ZEB1: variants seen among roughly 807,000 people sequenced by gnomAD.
ZEB1 encodes zinc finger E-box binding homeobox 1.
A neutral mutation model predicts 84.9 loss-of-function variants in ZEB1; 21 were observed. The observed-to-expected ratio is 0.25, with a 90% CI of 0.18 to 0.36. The LOEUF is 0.36. ZEB1 is among the 10% of genes least tolerant of loss of function. ZEB1 has a pLI of 1.00. For missense variants in ZEB1, 1,104 were observed against 1,330.2 expected (o/e 0.83, Z 2.65); for synonymous variants, 420 against 471.1 (o/e 0.89, Z 1.41).
At position 31,527,420 on chromosome 10, in the gene ZEB1, C is replaced by CAT; in HGVS notation, c.*157_*158insTA. 1.7e-6 allele frequency: 1 copy of CAT among 577,592 alleles called. No individual in the cohort carries two copies. Among genetic ancestry groups the CAT allele is most frequent in the Non-Finnish European group, 2.9e-6 (1 of 349,332 alleles). The allele number at this position is 577,592 out of a possible 1,614,324, so 35.8% of individuals were successfully genotyped here. A position where few individuals can be genotyped will look rare whatever the true frequency, so the allele number is the denominator to read the frequency against. On this transcript the variant is annotated 3_prime_UTR_variant, in exon 9 of 9. Transcript: ENST00000424869. ...AAAAATACAAAATACAAAACACACA[C>CAT]ACACACACACACACACACACACACA...
At chr10:31,376,234 A>T (rs1302188284) in intron 1 of ZEB1, among the ~76,000 whole-genome samples, 1 of 151,764 alleles carries the variant, frequency 6.6e-6, no homozygotes, top group East Asian at 1.9e-4. Context: ...AATAAAGTAT[A>T]GTGGCTTATG....
At chr10:31,461,353 CAAT>C in intron 2 of ZEB1, 116 bp downstream of exon 2, 1 of 1,112,828 alleles carries the variant, frequency 9.0e-7, no homozygotes, top group Non-Finnish European at 1.3e-6. Context: ...ATTTGGCTAT[CAAT>C]AAATATTAGG....
intron 6 of ZEB1, among the ~76,000 whole-genome samples, chr10:31,515,832 A>G (rs1393485665): frequency 6.6e-6 from 1 of 152,062 alleles, no homozygotes; most frequent in Non-Finnish European, 1.5e-5. Context: ...CTTCTATGCT[A>G]TTGAACAATT....
At chr10:31,441,993 A>G (rs1564869869) in intron 1 of ZEB1, among the ~76,000 whole-genome samples, 1 of 152,250 alleles carries the variant, frequency 6.6e-6, no homozygotes, top group Non-Finnish European at 1.5e-5. Context: ...TGTGGAAGAC[A>G]GTGTGGCGAT....
intron 1 of ZEB1, chr10:31,387,004 A>G: frequency 3.8e-6 from 3 of 790,940 alleles, no homozygotes; most frequent in Non-Finnish European, 4.6e-6. Context: ...TGTGATTTTA[A>G]GAATACTCAT....
chr10:31,321,505 C>G, intron 1 of ZEB1: 7 of 1,613,908 alleles, frequency 4.3e-6, no homozygotes, highest in Non-Finnish European at 5.9e-6. Context: ...GAGCTGTTGC[C>G]GCTGTTGCTG....
rs567483724 is a variant in ZEB1 at position 31,459,558 on chromosome 10, A to G, written c.59-1479A>G. ...TTTACATGCATTACTTTTATAATAA[A>G]ATAAGAGAGAAAACCATTTACTCTT... is the stretch of plus-strand genomic sequence containing the variant. On this transcript the variant is annotated intron_variant, in intron 1 of 8. Transcript: ENST00000424869. Among the ~76,000 whole-genome samples, 10 of 152,194 alleles carry G rather than the reference A, an allele frequency of 6.6e-5. 1 individual carries two copies. The highest frequency in any genetic ancestry group is 2.4e-4 in the African/African-American group (10 of 41,558).
chr10:31,338,258 TCAAA>T (rs1038927884), intron 1 of ZEB1, among the ~76,000 whole-genome samples: 2 of 152,248 alleles, frequency 1.3e-5, no homozygotes, highest in South Asian at 2.1e-4. Flanking sequence ...ATTTTGTTTA[TCAAA>T]CAATAGCATT....
At chr10:31,463,634 C>T (rs1413675727) in intron 2 of ZEB1, among the ~76,000 whole-genome samples, 1 of 152,192 alleles carries the variant, frequency 6.6e-6, no homozygotes, top group Non-Finnish European at 1.5e-5. Context: ...AGCAAAGTTT[C>T]CCTGGTTAGG....
intron 1 of ZEB1, among the ~76,000 whole-genome samples, chr10:31,359,849 T>G (rs1442131946): frequency 1.3e-5 from 2 of 152,200 alleles, no homozygotes; most frequent in African/African-American, 4.8e-5. Flanking sequence ...TAAAATATAG[T>G]GACTGTGGAT....
chr10:31,436,016 A>G (rs1201315968), intron 1 of ZEB1, among the ~76,000 whole-genome samples: 1 of 152,198 alleles, frequency 6.6e-6, no homozygotes, highest in Non-Finnish European at 1.5e-5. Context: ...GGAAGAATAC[A>G]TAGCAGAAGC....
intron 1 of ZEB1, among the ~76,000 whole-genome samples, chr10:31,322,349 A>G (rs1318864852): frequency 2.0e-5 from 3 of 152,254 alleles, no homozygotes; most frequent in African/African-American, 7.2e-5. Context: ...AATCTTTTTA[A>G]TGAAGAAATA....
intron 1 of ZEB1, among the ~76,000 whole-genome samples, chr10:31,350,909 G>T (rs191959797): frequency 1.3e-5 from 2 of 152,254 alleles, no homozygotes; most frequent in African/African-American, 4.8e-5. Flanking sequence ...TCACTATTTA[G>T]AGTTCTCTGA....
intron 1 of ZEB1, chr10:31,362,972 G>T: frequency 6.5e-7 from 1 of 1,534,048 alleles, no homozygotes; most frequent in Non-Finnish European, 8.7e-7. Flanking sequence ...AGTGCCTCAG[G>T]AGATAGACAT....
intron 1 of ZEB1, among the ~76,000 whole-genome samples, chr10:31,452,738 TGTGTGAGAGA>T (rs1365973085): frequency 4.0e-4 from 40 of 101,086 alleles, no homozygotes; most frequent in East Asian, 3.6e-3. Context: ...TGTGTGTGTG[TGTGTGAGAGA>T]GAGAGAGAGA....
intron 1 of ZEB1, among the ~76,000 whole-genome samples, chr10:31,430,018 G>A (rs1433099340): frequency 6.6e-5 from 10 of 152,098 alleles, no homozygotes. Context: ...TGAGATTACA[G>A]GCGTGAGCCA....
At chr10:31,377,459 G>A (rs549548023) in intron 1 of ZEB1, among the ~76,000 whole-genome samples, 42 of 151,620 alleles carry the variant, frequency 2.8e-4, no homozygotes, top group African/African-American at 9.4e-4. Context: ...TATATATATC[G>A]TGTGTATACA....
chr10:31,509,178 A>C (rs1292938516), intron 4 of ZEB1, among the ~76,000 whole-genome samples: 1 of 152,114 alleles, frequency 6.6e-6, no homozygotes, highest in Non-Finnish European at 1.5e-5. Flanking sequence ...TGCTGTAGCT[A>C]CTTAGAACTC....
chr10:31,328,016 A>AT (rs558971101), intron 1 of ZEB1, among the ~76,000 whole-genome samples: 167 of 151,994 alleles, frequency 1.1e-3, no homozygotes, highest in African/African-American at 3.8e-3. Flanking sequence ...TCTCTTGTGT[A>AT]TTTAAGATGA....
Sources: gnomAD v4.1 joint callset for allele counts (sites outside exome capture counted in the v4.1 genomes callset) on GRCh38, gnomAD v4.1.1 for gene constraint, MANE v1.5 for transcripts, NCBI Gene and HGNC (gene_info 2026-07-23, HGNC 2026-07-21) for gene names.